The following SHISAL1 variants were observed in gnomAD, a reference collection of about 807,000 sequenced individuals.
The protein encoded by SHISAL1 is shisa like 1.
A neutral mutation model predicts 22.6 loss-of-function variants in SHISAL1; 9 were observed. That is an observed-to-expected ratio of 0.40 (90% CI 0.24 to 0.70). The LOEUF is 0.70. SHISAL1 is among the 30% of genes least tolerant of loss of function. The pLI is 0.39. For synonymous variants in SHISAL1, 119 were observed against 115.4 expected, an observed-to-expected ratio of 1.03 and a Z score of -0.20; for missense variants, 246 against 270.6, an observed-to-expected ratio of 0.91 and a Z score of 0.64.
At chr22:44,322,389 C>G in the SHISAL1 span, among the ~76,000 whole-genome samples, 4 of 152,148 alleles carry the variant, frequency 2.6e-5, no homozygotes, top group Non-Finnish European at 5.9e-5. Flanking sequence ...CCCCTCTACC[C>G]CTTCCCTGAC....
chr22:44,274,652 C>T lies in SHISAL1; in HGVS notation c.599+10776G>A, dbSNP rs570800948. The stretch of plus-strand genomic sequence containing the variant: ...CCGCTGAAATGGTATTTAGAAAGGT[C>T]GGGTAAAATCGCAGGGTCATCGCTG... On this transcript the variant is annotated intron_variant, in intron 4 of 4. Transcript: ENST00000381176. Among the ~76,000 whole-genome samples, 11 of 152,194 alleles carry T rather than the reference C, an allele frequency of 7.2e-5. No individual in the cohort carries two copies. The South Asian group carries it at 8.3e-4, about 11-fold the overall frequency.
chr22:44,250,482 G>A (rs1466051600), intron 4 of SHISAL1, among the ~76,000 whole-genome samples: 1 of 152,184 alleles, frequency 6.6e-6, no homozygotes, highest in Non-Finnish European at 1.5e-5. Context: ...ACAAGACAAT[G>A]AGGAAAAGAA....
chr22:44,292,733 G>A lies in SHISAL1; in HGVS notation c.281+3939C>T, dbSNP rs555103858. Among the ~76,000 whole-genome samples the A allele has an allele frequency of 1.7e-4, 26 of 152,296 alleles. No individual in the cohort carries two copies. The East Asian group carries it at 1.9e-3, about 11-fold the overall frequency. ...CGTCGTCTGCCGCTGGGCCAGCCCC[G>A]CCTGGACACCAGGCCCCACGTCAGC... On this transcript the variant is annotated intron_variant, in intron 3 of 4. Coordinates refer to ENST00000381176, the MANE Select transcript of SHISAL1 (RefSeq NM_001099294.2).
intron 4 of SHISAL1, among the ~76,000 whole-genome samples, chr22:44,277,879 C>A (rs1300631255): frequency 6.6e-6 from 1 of 152,146 alleles, no homozygotes; most frequent in South Asian, 2.1e-4. Flanking sequence ...CAAGACACAC[C>A]ATTTTATGTG....
intron 3 of SHISAL1, among the ~76,000 whole-genome samples, chr22:44,287,517 C>T (rs772037649): frequency 5.3e-5 from 8 of 152,190 alleles, no homozygotes; most frequent in Non-Finnish European, 8.8e-5. Context: ...CCACAGCTCC[C>T]GGTCACTGTG....
intron 1 of SHISAL1, among the ~76,000 whole-genome samples, chr22:44,307,422 C>T (rs2055487276): frequency 6.6e-6 from 1 of 152,188 alleles, no homozygotes; most frequent in African/African-American, 2.4e-5. Context: ...GCAAAGCTCA[C>T]TCTACCTCCT....
intron 4 of SHISAL1, among the ~76,000 whole-genome samples, chr22:44,260,923 G>A (rs150233936): frequency 1.3e-5 from 2 of 151,938 alleles, no homozygotes; most frequent in East Asian, 3.9e-4. Context: ...ACTCCCTGGG[G>A]ATACATCTCT....
At chr22:44,311,187 C>T (rs7510974) in intron 1 of SHISAL1, among the ~76,000 whole-genome samples, 15,383 of 152,124 alleles carry the variant, frequency 0.1, 918 homozygotes, top group South Asian at 0.17. Flanking sequence ...CTGAGGTGGG[C>T]CGGCTCACAC....
chr22:44,309,653 C>A (rs2055504280), intron 1 of SHISAL1, among the ~76,000 whole-genome samples: 1 of 152,200 alleles, frequency 6.6e-6, no homozygotes, highest in South Asian at 2.1e-4. Flanking sequence ...CCCCTGCAGG[C>A]AGCACTTGTG....
intron 1 of SHISAL1, among the ~76,000 whole-genome samples, chr22:44,304,987 A>G (rs1053313875): frequency 2.0e-5 from 3 of 152,146 alleles, no homozygotes; most frequent in African/African-American, 7.2e-5. Flanking sequence ...CCAACTCCCT[A>G]CAAAGCCCTG....
chr22:44,256,435 A>G (rs1255493624), intron 4 of SHISAL1, among the ~76,000 whole-genome samples: 1 of 152,152 alleles, frequency 6.6e-6, no homozygotes, highest in South Asian at 2.1e-4. Flanking sequence ...GTGTGCCTTC[A>G]TGTGTGTCTA....
chr22:44,289,676 C>T (rs907927093), intron 3 of SHISAL1, among the ~76,000 whole-genome samples: 11 of 152,224 alleles, frequency 7.2e-5, no homozygotes, highest in South Asian at 2.1e-4. Flanking sequence ...CAGGCGGGGA[C>T]GCCCAGGCCA....
chr22:44,262,870 G>A lies in SHISAL1; in HGVS notation c.*-13185C>T, dbSNP rs115929551. 3.4e-3 allele frequency among the ~76,000 whole-genome samples: 520 copies of A among 152,298 alleles called. 4 individuals carry two copies. Among genetic ancestry groups the A allele is most frequent in the African/African-American group, 0.012 (494 of 41,566 alleles). ...AGCACCTGGTAATTTGAATAACAAT[G>A]AAAGCTTCCAGAATGTGGAACATCT... On this transcript the variant is annotated intron_variant, in intron 4 of 4. Transcript: ENST00000381176.
chr22:44,296,975 C>A, intron 2 of SHISAL1, 90 bp from the exon 3 acceptor site: 1 of 980,490 alleles, frequency 1.0e-6, no homozygotes, highest in Non-Finnish European at 1.6e-6. Context: ...CTTCTCAGGT[C>A]CTGCCTGCTT....
Position 44,285,532 on chromosome 22 carries a change from C to T in SHISAL1, c.495G>A (p.Pro165=), listed in dbSNP as rs781222781. ...APRPGQRAPQ[P]QPPPGPLPQA... ...GTGGCAGCGGGCCTGGGGGAGGCTG[C>T]GGCTGTGGGGCCCGCTGACCCGGCC... Residue 165 remains proline, a synonymous_variant, in exon 4 of 5, where the codon CCG becomes CCA. Coordinates refer to ENST00000381176, the MANE Select transcript of SHISAL1 (RefSeq NM_001099294.2). The T allele has an allele frequency of 1.4e-5, 23 of 1,612,986 alleles. No individual in the cohort carries two copies. Among genetic ancestry groups the T allele is most frequent in the Middle Eastern group, 1.6e-4 (1 of 6,078 alleles).
chr22:44,270,804 C>T lies in SHISAL1; in HGVS notation c.599+14624G>A, dbSNP rs559368350. Among the ~76,000 whole-genome samples, 71 of 152,316 alleles carry T rather than the reference C, an allele frequency of 4.7e-4. 2 individuals are homozygous for T. The South Asian group carries it at 0.014, about 30-fold the overall frequency. On this transcript the variant is annotated intron_variant, in intron 4 of 4. Transcript: ENST00000381176. ...CACCAGCACCACTGACGGCTGCTTC[C>T]ACCTCCCAAGTCTCAGACAGCTCAA...
Position 44,248,081 on chromosome 22 carries a change from A to G in SHISAL1, c.*1604T>C, listed in dbSNP as rs1336418147. ...CTTCCCAGACCACCCCAGGTCCACA[A>G]GGGTCTCACTCACGTGTCCCTCGAA... On this transcript the variant is annotated 3_prime_UTR_variant, in exon 5 of 5. Coordinates refer to ENST00000381176, the MANE Select transcript of SHISAL1 (RefSeq NM_001099294.2). The G allele has an allele frequency of 2.6e-5, 4 of 152,250 alleles. No homozygotes were observed. The highest frequency in any genetic ancestry group is 5.9e-5 in the Non-Finnish European group (4 of 68,108). The allele number at this position is 152,250 out of a possible 1,614,324, so 9.4% of individuals were successfully genotyped here. A position where few individuals can be genotyped will look rare whatever the true frequency, so the allele number is the denominator to read the frequency against.
chr22:44,251,087 A>C (rs1409824141), intron 4 of SHISAL1, among the ~76,000 whole-genome samples: 2 of 152,176 alleles, frequency 1.3e-5, no homozygotes, highest in Non-Finnish European at 2.9e-5. Flanking sequence ...TCCATAGCAC[A>C]CACCTCCATC....
chr22:44,317,506 GCCT>G (rs1056105285), upstream of SHISAL1, among the ~76,000 whole-genome samples: 3 of 152,198 alleles, frequency 2.0e-5, no homozygotes, highest in African/African-American at 7.2e-5. Flanking sequence ...ACAGACAACA[GCCT>G]CCTCCCACCT....
Sources: allele counts gnomAD v4.1 joint callset (sites outside exome capture counted in the v4.1 genomes callset), GRCh38; gene constraint gnomAD v4.1.1; transcripts MANE v1.5; gene names NCBI Gene and HGNC (gene_info 2026-07-23, HGNC 2026-07-21).